Variants in C2orf69 observed in about 807,000 individuals in gnomAD.
The protein encoded by C2orf69 is chromosome 2 open reading frame 69.
A neutral mutation model predicts 29.5 loss-of-function variants in C2orf69; 19 were observed. The observed-to-expected ratio is 0.65, with a 90% CI of 0.45 to 0.95. C2orf69 has a LOEUF of 0.95. Ranked by LOEUF, C2orf69 falls within the 40% of genes least tolerant of loss-of-function variation. The pLI is 0.00. For synonymous variants in C2orf69, 194 were observed against 180.0 expected, an observed-to-expected ratio of 1.08 and a Z score of -0.62; for missense variants, 416 against 482.1, an observed-to-expected ratio of 0.86 and a Z score of 1.28.
intron 1 of C2orf69, 66 bp from the exon 2 acceptor site, chr2:199,924,994 CTT>C: frequency 1.0e-6 from 1 of 986,214 alleles, no homozygotes; most frequent in South Asian, 1.7e-5. Flanking sequence ...AAAATGGAAA[CTT>C]ATTTTGTGGA....
intron 1 of C2orf69, among the ~76,000 whole-genome samples, chr2:199,918,264 T>C (rs1218199655): frequency 2.0e-5 from 3 of 151,946 alleles, no homozygotes; most frequent in African/African-American, 7.2e-5. Context: ...GTGATCAAGA[T>C]TTTTTTAAAG....
chr2:199,924,100 A>C (rs1559295250), intron 1 of C2orf69, among the ~76,000 whole-genome samples: 1 of 152,200 alleles, frequency 6.6e-6, no homozygotes, highest in Non-Finnish European at 1.5e-5. Flanking sequence ...CTTATAAATA[A>C]GGTGTAAATA....
intron 1 of C2orf69, among the ~76,000 whole-genome samples, chr2:199,912,066 C>A (rs992405608): frequency 6.6e-6 from 1 of 152,166 alleles, no homozygotes; most frequent in East Asian, 1.9e-4. Flanking sequence ...GGGAGTGACA[C>A]GCATCTTGTA....
rs780674554 is a variant in C2orf69, at chr2:199,925,111, A to G, written c.383A>G (p.Asn128Ser). The change falls in exon 2 of 2, where the codon AAC becomes AGC. Residue 128 changes from asparagine to serine, a missense_variant. Asn to Ser is a conservative substitution (Grantham distance 46). Around this residue, in one of 4 missense-constraint regions of C2orf69, gnomAD observed 225 missense variants for 307.3 expected, o/e 0.73. Coordinates refer to ENST00000319974, the MANE Select transcript of C2orf69 (RefSeq NM_153689.6). This position sits in a 1 kb window ranked among gnomAD's most constrained non-coding sequence, Gnocchi z 4.9. ...TRHPENYQWE[N>S]WSLENVATIL... ...CATCCTGAGAATTATCAATGGGAAA[A>G]CTGGAGTCTAGAAAATGTTGCTACC... 18 of 1,613,004 alleles carry G rather than the reference A, an allele frequency of 1.1e-5. No homozygotes were observed. In the East Asian group the frequency reaches 4.0e-4, roughly 36 times the overall value.
intron 1 of C2orf69, among the ~76,000 whole-genome samples, chr2:199,923,069 C>T (rs1425789254): frequency 1.3e-5 from 2 of 152,218 alleles, no homozygotes; most frequent in African/African-American, 4.8e-5. Context: ...CACCTCAGGG[C>T]GTTTTGCAGT....
chr2:199,927,386 G>T lies in C2orf69; in HGVS notation c.*1500G>T, dbSNP rs2077339980. 6.8e-6 allele frequency: 1 copy of T among 146,528 alleles called. No individual in the cohort carries two copies. The highest frequency in any genetic ancestry group is 1.5e-5 in the Non-Finnish European group (1 of 66,824). 9.1% of individuals were successfully genotyped at this position (146,528 alleles called of 1,614,324 possible). On this transcript the variant is annotated 3_prime_UTR_variant, in exon 2 of 2. Transcript: ENST00000319974. ...AGACCTAGATTTATAAAGCCATATA[G>T]AATAAAAATGTTAATTTCTTGGTTT...
At chr2:199,914,071 G>A (rs927438364) in intron 1 of C2orf69, among the ~76,000 whole-genome samples, 2 of 152,168 alleles carry the variant, frequency 1.3e-5, no homozygotes, top group African/African-American at 4.8e-5. Context: ...GATTAAATGT[G>A]TGGATACTAA....
At chr2:199,919,560 G>A (rs766683393) in intron 1 of C2orf69, among the ~76,000 whole-genome samples, 2 of 152,160 alleles carry the variant, frequency 1.3e-5, no homozygotes, top group Non-Finnish European at 2.9e-5. Context: ...TTTAGCTCAT[G>A]ATTCTGGAGG....
intron 1 of C2orf69, among the ~76,000 whole-genome samples, chr2:199,923,325 G>C (rs907100120): frequency 1.3e-5 from 2 of 152,134 alleles, no homozygotes; most frequent in African/African-American, 4.8e-5. Flanking sequence ...CAGTATCGTA[G>C]CCACTAATCA....
At chr2:199,923,700 T>G (rs1312240461) in intron 1 of C2orf69, among the ~76,000 whole-genome samples, 1 of 152,246 alleles carries the variant, frequency 6.6e-6, no homozygotes, top group Non-Finnish European at 1.5e-5. Flanking sequence ...ATGTTGAGAT[T>G]GTGATATTTT....
rs907190865 is a variant in C2orf69 at position 199,913,722 on chromosome 2, T to G, written c.333+1951T>G. ...CTTACTTACTTGGTGCCCTTGTGGC[T>G]CAGATTGGGAAAATAACATGTGACA... On this transcript the variant is annotated intron_variant, in intron 1 of 1. Coordinates refer to ENST00000319974, the MANE Select transcript of C2orf69 (RefSeq NM_153689.6). 1.1e-4 allele frequency among the ~76,000 whole-genome samples: 16 copies of G among 151,550 alleles called. No individual in the cohort carries two copies. The East Asian group carries it at 3.1e-3, about 29-fold the overall frequency.
chr2:199,922,237 A>C, intron 1 of C2orf69, among the ~76,000 whole-genome samples: 1 of 151,650 alleles, frequency 6.6e-6, no homozygotes, highest in East Asian at 1.9e-4. Context: ...CTGGGACTAC[A>C]GGGGCACACC....
In C2orf69 at chr2:199,917,839, C is replaced by T. The variant is rs186645341; in HGVS notation, c.333+6068C>T. 2.2e-3 allele frequency among the ~76,000 whole-genome samples: 336 copies of T among 152,264 alleles called. 4 individuals are homozygous for T. Among genetic ancestry groups the T allele is most frequent in the South Asian group, 3.5e-3 (17 of 4,824 alleles). On this transcript the variant is annotated intron_variant, in intron 1 of 1. Transcript: ENST00000319974. ...GCAGTACCAATTTACTGTATTAGTC[C>T]ATTCTCATGCTGCTAATAGAGACAT...
rs1482752658 is a variant in C2orf69 at position 199,927,435 on chromosome 2, A to T, written c.*1549A>T. ...TTCTTCCCAGAATTATATTTTAATG[A>T]CTCCATAAATACATTCCAAATATTC... On this transcript the variant is annotated 3_prime_UTR_variant, in exon 2 of 2. Coordinates refer to ENST00000319974, the MANE Select transcript of C2orf69 (RefSeq NM_153689.6). 6.6e-6 allele frequency: 1 copy of T among 151,828 alleles called. No individual in the cohort carries two copies. Among genetic ancestry groups the T allele is most frequent in the Admixed American group, 6.6e-5 (1 of 15,236 alleles). The allele number at this position is 151,828 out of a possible 1,614,324, so 9.4% of individuals were successfully genotyped here. A position where few individuals can be genotyped will look rare whatever the true frequency, so the allele number is the denominator to read the frequency against.
rs370430093 is a variant in C2orf69 at position 199,922,031 on chromosome 2, TTATATATA to T, written c.334-3015_334-3008del. ...TTCCCCAAGGCTGCCACTGTTATTTTTATATATATATATATATATATATGCTTCCAGAG... is the reference window on the plus strand; with the variant it reads ...TTCCCCAAGGCTGCCACTGTTATTTTTATATATATATATATGCTTCCAGAG... On this transcript the variant is annotated intron_variant, in intron 1 of 1. Transcript: ENST00000319974. 1.5e-3 allele frequency among the ~76,000 whole-genome samples: 122 copies of T among 78,970 alleles called. 10 individuals carry two copies. The highest frequency in any genetic ancestry group is 4.7e-3 in the African/African-American group (89 of 18,922). The allele number at this position is 78,970 out of a possible 152,430, so 51.8% of individuals were successfully genotyped here.
chr2:199,913,220 T>G (rs1312585131), intron 1 of C2orf69, among the ~76,000 whole-genome samples: 7 of 76,146 alleles, frequency 9.2e-5, no homozygotes, highest in African/African-American at 1.6e-4. Flanking sequence ...ATATTATATA[T>G]AATATATATT....
At chr2:199,916,586 A>G (rs1042713598) in intron 1 of C2orf69, among the ~76,000 whole-genome samples, 63 of 152,148 alleles carry the variant, frequency 4.1e-4, no homozygotes, top group African/African-American at 1.4e-3. Context: ...TACAATGGGG[A>G]TACAGGCATT....
chr2:199,922,203 T>C (rs1055082585), intron 1 of C2orf69, among the ~76,000 whole-genome samples: 1 of 151,558 alleles, frequency 6.6e-6, no homozygotes, highest in African/African-American at 2.4e-5. Flanking sequence ...TCAAGCCATC[T>C]TCCCACTTCA....
chr2:199,923,694 T>G (rs2077326047), intron 1 of C2orf69, among the ~76,000 whole-genome samples: 1 of 152,208 alleles, frequency 6.6e-6, no homozygotes, highest in South Asian at 2.1e-4. Flanking sequence ...GGTTACATGT[T>G]GAGATTGTGA....
Sources: allele counts gnomAD v4.1 joint callset (sites outside exome capture counted in the v4.1 genomes callset), GRCh38; gene constraint gnomAD v4.1.1; regional missense constraint gnomAD v4.1.1; non-coding constraint Gnocchi (gnomAD v3.1); transcripts MANE v1.5; gene names NCBI Gene and HGNC (gene_info 2026-07-23, HGNC 2026-07-21).